DMD: variants seen among roughly 807,000 people sequenced by gnomAD.
The protein encoded by DMD is dystrophin.
In DMD, 63 loss-of-function variants were observed where a neutral mutation model predicts 330.1. The observed-to-expected ratio is 0.19, with a 90% CI of 0.16 to 0.24. The LOEUF (loss-of-function observed/expected upper bound fraction) is 0.24. Ranked by LOEUF, DMD falls within the 10% of genes least tolerant of loss-of-function variation. The pLI is 1.00. For missense variants in DMD, 3,344 were observed against 2,684.1 expected (o/e 1.25, Z -5.43); for synonymous variants, 1,223 against 959.8 (o/e 1.27, Z -5.07).
chrX:31,267,025 GC>G, intron 62 of DMD: 3 of 544,786 alleles, frequency 5.5e-6, no homozygotes, highest in Non-Finnish European at 8.0e-6. Context: ...GTCGGGCTCC[GC>G]CCCCACCTAG....
chrX:32,436,448 T>C (rs1417939599), intron 29 of DMD, among the ~76,000 whole-genome samples: 1 of 111,739 alleles, frequency 8.9e-6, no homozygotes, highest in African/African-American at 3.3e-5. Flanking sequence ...GAAAATAAGA[T>C]AATACGTGTT....
intron 76 of DMD, among the ~76,000 whole-genome samples, chrX:31,138,258 G>C (rs751484452): frequency 7.2e-5 from 8 of 111,652 alleles, no homozygotes; most frequent in Non-Finnish European, 1.3e-4. Flanking sequence ...AAGTCCAGCT[G>C]ATTGCCAGCA....
intron 67 of DMD, among the ~76,000 whole-genome samples, chrX:31,195,369 A>G (rs2042769342): frequency 1.8e-5 from 2 of 111,814 alleles, no homozygotes; most frequent in African/African-American, 6.5e-5. Context: ...GCAAATCCCT[A>G]AGTATACTCA....
chrX:33,229,463 T>G (rs2052351408), intron 1 of DMD, among the ~76,000 whole-genome samples: 1 of 111,820 alleles, frequency 8.9e-6, no homozygotes, highest in South Asian at 3.6e-4. Flanking sequence ...CACCACTCAC[T>G]TAGAAAAAAC....
intron 7 of DMD, 43 bp downstream of exon 7, chrX:32,809,450 C>G (rs375099614): frequency 2.8e-6 from 3 of 1,055,186 alleles, no homozygotes; most frequent in South Asian, 1.9e-5. Context: ...AAACATTAAA[C>G]TCTACCATAC....
intron 25 of DMD, among the ~76,000 whole-genome samples, chrX:32,455,638 A>T (rs994324332): frequency 1.8e-5 from 2 of 111,208 alleles, no homozygotes; most frequent in Non-Finnish European, 3.8e-5. Context: ...AGAGACTAAC[A>T]TGTACAATAT....
chrX:32,741,127 T>A (rs1603335558), intron 7 of DMD, among the ~76,000 whole-genome samples: 1 of 111,607 alleles, frequency 9.0e-6, no homozygotes, highest in South Asian at 3.8e-4. Context: ...CATAGTGTAA[T>A]AGAATCTGTA....
intron 41 of DMD, among the ~76,000 whole-genome samples, chrX:32,338,472 C>T (rs970331009): frequency 4.5e-5 from 5 of 110,264 alleles, no homozygotes; most frequent in East Asian, 2.8e-4. Flanking sequence ...TTCAAATCTT[C>T]GTTTTCACTT....
At chrX:32,434,666 G>C (rs1419303066) in intron 29 of DMD, among the ~76,000 whole-genome samples, 2 of 111,941 alleles carry the variant, frequency 1.8e-5, no homozygotes, top group Non-Finnish European at 3.8e-5. Flanking sequence ...TAACTAGATA[G>C]TGGAAATATC....
At chrX:31,771,503 C>G (rs1380858244) in intron 51 of DMD, among the ~76,000 whole-genome samples, 2 of 107,594 alleles carry the variant, frequency 1.9e-5, no homozygotes, top group African/African-American at 6.7e-5. Flanking sequence ...ATTTTTCCCC[C>G]TAAATTTTTT....
intron 7 of DMD, among the ~76,000 whole-genome samples, chrX:32,789,904 A>G (rs1490161456): frequency 5.3e-5 from 6 of 112,409 alleles, no homozygotes; most frequent in African/African-American, 1.9e-4. Flanking sequence ...ATTCAGCAAT[A>G]TTAACATCTC....
At chrX:32,867,049 C>T (rs1351865681) in intron 2 of DMD, among the ~76,000 whole-genome samples, 1 of 111,316 alleles carries the variant, frequency 9.0e-6, no homozygotes, top group Non-Finnish European at 1.9e-5. Flanking sequence ...TCAAATATTT[C>T]TAAAGCTACC....
In DMD at chrX:33,063,456, A is replaced by C. The variant is rs7879100; in HGVS notation, c.32-43256T>G. Among the ~76,000 whole-genome samples, 874 of 111,955 alleles carry C rather than the reference A, an allele frequency of 7.8e-3. 10 individuals carry two copies. Among genetic ancestry groups the C allele is most frequent in the African/African-American group, 0.027 (835 of 30,847 alleles). On this transcript the variant is annotated intron_variant, in intron 1 of 78. Coordinates refer to ENST00000357033, the MANE Select transcript of DMD (RefSeq NM_004006.3). ...TTAAGTACTGAGGGTGGAAAGTAAG[A>C]TAGATAATAATTATAATTTTTCCTA...
At chrX:32,121,587 T>A (rs368591223) in intron 44 of DMD, among the ~76,000 whole-genome samples, 35 of 92,398 alleles carry the variant, frequency 3.8e-4, no homozygotes, top group African/African-American at 1.1e-3. Context: ...TCCGAAAGCT[T>A]TCTTTTCAAA....
chrX:32,587,729 TTATTAA>T (rs1449658480), intron 13 of DMD, among the ~76,000 whole-genome samples: 1 of 111,697 alleles, frequency 9.0e-6, no homozygotes, highest in Non-Finnish European at 1.9e-5. Flanking sequence ...GTGTTAAATA[TTATTAA>T]TGAAGAACAG....
intron 2 of DMD, among the ~76,000 whole-genome samples, chrX:32,983,779 A>C (rs915839630): frequency 9.0e-6 from 1 of 111,161 alleles, no homozygotes; most frequent in African/African-American, 3.3e-5. Context: ...TTTAAAAGTC[A>C]ATTTTGATTT....
chrX:32,467,632 G>GTATATA (rs5902033), intron 23 of DMD, among the ~76,000 whole-genome samples: 98 of 100,167 alleles, frequency 9.8e-4, no homozygotes, highest in African/African-American at 3.2e-3. Context: ...CATTATACAC[G>GTATATA]TATATATATA....
At chrX:31,183,915 T>C (rs1013353034) in intron 67 of DMD, among the ~76,000 whole-genome samples, 2 of 75,982 alleles carry the variant, frequency 2.6e-5, no homozygotes, top group African/African-American at 1.0e-4. Flanking sequence ...TAAATACAAT[T>C]TTTTTTTTTT....
At chrX:32,789,868 TGTGC>T (rs1201497669) in intron 7 of DMD, among the ~76,000 whole-genome samples, 2 of 112,124 alleles carry the variant, frequency 1.8e-5, no homozygotes, top group African/African-American at 6.5e-5. Flanking sequence ...AGGGGAAAAA[TGTGC>T]TTTGATTTGA....
Sources: gnomAD v4.1 joint callset for allele counts (sites outside exome capture counted in the v4.1 genomes callset) on GRCh38, gnomAD v4.1.1 for gene constraint, MANE v1.5 for transcripts, NCBI Gene and HGNC (gene_info 2026-07-23, HGNC 2026-07-21) for gene names.